TNFRSF9: variants seen among roughly 807,000 people sequenced by gnomAD.
TNFRSF9 encodes TNF receptor superfamily member 9, also known as tumor necrosis factor receptor superfamily member 9.
Under a neutral mutation model 28.8 loss-of-function variants are expected in TNFRSF9, and 16 were observed. The observed-to-expected ratio is 0.55, with a 90% CI of 0.38 to 0.84. The LOEUF is 0.84. Among genes scored for constraint, TNFRSF9 ranks in the 40% least tolerant of loss-of-function variants. The pLI is 0.00. For missense variants in TNFRSF9, 303 were observed against 315.0 expected (o/e 0.96, Z 0.29); for synonymous variants, 131 against 117.0 (o/e 1.12, Z -0.77).
chr1:7,940,720 G>A (rs894798348), intron 1 of TNFRSF9, 64 bp downstream of exon 1: 2 of 152,268 alleles, frequency 1.3e-5, no homozygotes, highest in Non-Finnish European at 2.9e-5. Context: ...AATGGGCAAA[G>A]GGAGCAAAAG....
Position 7,920,916 on chromosome 1 carries a change from CATAAATGCTAAAAA to C in TNFRSF9, c.680-7_686del. The stretch of plus-strand genomic sequence containing the variant: ...CCTCTTGAGTAGTTTGTACTGGTCT[CATAAATGCTAAAAA>C]AAAAATTTTAAGATACGTATATTTT... On this transcript the variant is annotated splice_acceptor_variant and splice_polypyrimidine_tract_variant and coding_sequence_variant and intron_variant, in exon 8 of 8. Coordinates refer to ENST00000377507, the MANE Select transcript of TNFRSF9 (RefSeq NM_001561.6). LOFTEE classifies it high-confidence loss of function. 1 of 1,609,366 alleles carries C rather than the reference CATAAATGCTAAAAA, an allele frequency of 6.2e-7. No individual in the cohort carries two copies. Among genetic ancestry groups the C allele is most frequent in the Non-Finnish European group, 8.5e-7 (1 of 1,178,068 alleles).
intron 5 of TNFRSF9, among the ~76,000 whole-genome samples, chr1:7,937,433 A>G (rs1020793214): frequency 6.6e-6 from 1 of 152,150 alleles, no homozygotes; most frequent in African/African-American, 2.4e-5. Flanking sequence ...TGCTGGGATT[A>G]CAGGCGTGAA....
chr1:7,922,505 C>T (rs570288601), intron 7 of TNFRSF9, among the ~76,000 whole-genome samples: 1 of 152,128 alleles, frequency 6.6e-6, no homozygotes, highest in Admixed American at 6.6e-5. Flanking sequence ...ATAGCGTGGA[C>T]AAAACAAAGC....
At chr1:7,937,873 A>G (rs1054833689) in intron 4 of TNFRSF9, 117 bp from the exon 5 acceptor site, 1 of 899,632 alleles carries the variant, frequency 1.1e-6, no homozygotes, top group Admixed American at 2.4e-5. Flanking sequence ...AAATTGTTCA[A>G]TAATTCTTGA....
In TNFRSF9 at chr1:7,917,979, T is replaced by TATATATAG. The variant is rs370720177; in HGVS notation, c.*2855_*2856insCTATATAT. ...GGATATATATATATATATATATAGA[T>TATATATAG]ATAGATAGATAGATAGATAGATAGG... On this transcript the variant is annotated 3_prime_UTR_variant, in exon 8 of 8. Coordinates refer to ENST00000377507, the MANE Select transcript of TNFRSF9 (RefSeq NM_001561.6). 1.8e-3 allele frequency: 241 copies of TATATATAG among 130,980 alleles called. 1 individual carries two copies. The highest frequency in any genetic ancestry group is 6.9e-3 in the African/African-American group (230 of 33,574). The allele number at this position is 130,980 out of a possible 1,614,324, so 8.1% of individuals were successfully genotyped here.
intron 5 of TNFRSF9, among the ~76,000 whole-genome samples, chr1:7,936,877 G>A (rs1383997607): frequency 3.3e-5 from 5 of 152,170 alleles, no homozygotes; most frequent in African/African-American, 1.2e-4. Flanking sequence ...GGGGACACAG[G>A]ACAAGCCATT....
chr1:7,922,079 A>G (rs1337005827), intron 7 of TNFRSF9: 1 of 152,200 alleles, frequency 6.6e-6, no homozygotes, highest in Non-Finnish European at 1.5e-5. Context: ...TTTACATGTT[A>G]GTGAAGTATT....
chr1:7,938,096 T>C, intron 4 of TNFRSF9, 97 bp downstream of exon 4: 2 of 1,178,244 alleles, frequency 1.7e-6, no homozygotes, highest in South Asian at 2.3e-5. Flanking sequence ...TACTTTAAGG[T>C]TCTACAAATC....
In TNFRSF9 at chr1:7,935,026, A is replaced by T; in HGVS notation, c.531T>A (p.Pro177=). 2 of 1,614,186 alleles carry T rather than the reference A, an allele frequency of 1.2e-6. No individual in the cohort carries two copies. The highest frequency in any genetic ancestry group is 1.7e-6 in the Non-Finnish European group (2 of 1,180,016). The part of the protein sequence containing the change: ...PGASSVTPPA[P]AREPGHSPQI... ...TAGCCCAGTTACCTGGCTCTCTCGC[A>T]GGGGCAGGCGGGGTCACAGAGGATG... is the stretch of plus-strand genomic sequence containing the variant. Residue 177 remains proline, a synonymous_variant, in exon 6 of 8, where the codon CCT becomes CCA. Transcript: ENST00000377507.
chr1:7,930,709 C>T (rs766436665), intron 7 of TNFRSF9, among the ~76,000 whole-genome samples: 6 of 152,142 alleles, frequency 3.9e-5, no homozygotes, highest in Non-Finnish European at 8.8e-5. Context: ...TTCGAGGCTA[C>T]AGTGAGCTGT....
At chr1:7,933,089 A>T (rs532788230) in intron 7 of TNFRSF9, 73 bp downstream of exon 7, 336 of 1,512,836 alleles carry the variant, frequency 2.2e-4, no homozygotes, top group African/African-American at 1.1e-3. Flanking sequence ...AATTTTTTTT[A>T]AAATCATATT....
chr1:7,937,820 G>T (rs1276054041), intron 4 of TNFRSF9, 64 bp from the exon 5 acceptor site: 9 of 1,411,488 alleles, frequency 6.4e-6, no homozygotes, highest in African/African-American at 1.4e-5. Flanking sequence ...AACTTTTCCT[G>T]TGATGAACTT....
rs759184548 is a variant in TNFRSF9, at chr1:7,920,863, T to C, written c.740A>G (p.Glu247Gly). ...CAGTTCACATCCTCCTTCTTCTTCT[T>C]CTGGAAATCGGCAGCTACAGCCATC... is the stretch of plus-strand genomic sequence containing the variant. ...EEDGCSCRFP[E>G]EEEGGCEL Residue 247 changes from glutamate to glycine, a missense_variant, in exon 8 of 8, where the codon GAA becomes GGA. Coordinates refer to ENST00000377507, the MANE Select transcript of TNFRSF9 (RefSeq NM_001561.6). 70 of 1,613,888 alleles carry C rather than the reference T, an allele frequency of 4.3e-5. No individual in the cohort carries two copies. The South Asian group carries it at 6.3e-4, about 14-fold the overall frequency.
At chr1:7,937,374 G>A (rs1639831976) in intron 5 of TNFRSF9, among the ~76,000 whole-genome samples, 1 of 152,108 alleles carries the variant, frequency 6.6e-6, no homozygotes, top group African/African-American at 2.4e-5. Context: ...ACCCAGGCTG[G>A]TTTTGAACTC....
At chr1:7,921,194 G>C (rs1639552259) in intron 7 of TNFRSF9, among the ~76,000 whole-genome samples, 1 of 151,812 alleles carries the variant, frequency 6.6e-6, no homozygotes. Flanking sequence ...AAATTAGCCG[G>C]GCGTGGTGGC....
At position 7,925,060 on chromosome 1, in the gene TNFRSF9, T is replaced by G. The variant is rs925793205; in HGVS notation, c.680-4137A>C. Among the ~76,000 whole-genome samples the G allele has an allele frequency of 5.9e-5, 9 of 152,118 alleles. 1 individual carries two copies. Among genetic ancestry groups the G allele is most frequent in the African/African-American group, 2.2e-4 (9 of 41,428 alleles). ...TGGGTGCGGTGGCTCATGCCTGTAATCCCAGCACTTTGGGAGGCCGAGGTG... is the reference window on the plus strand; with the variant it reads ...TGGGTGCGGTGGCTCATGCCTGTAAGCCCAGCACTTTGGGAGGCCGAGGTG... On this transcript the variant is annotated intron_variant, in intron 7 of 7. Transcript: ENST00000377507.
intron 5 of TNFRSF9, among the ~76,000 whole-genome samples, chr1:7,936,764 A>G (rs9657970): frequency 0.033 from 4,969 of 152,340 alleles, 275 homozygotes; most frequent in African/African-American, 0.11. Context: ...CATATAAAAT[A>G]CAACGCCCAA....
At position 7,935,211 on chromosome 1, in the gene TNFRSF9, T is replaced by C. The variant is rs544063840; in HGVS notation, c.414-68A>G. The C allele has an allele frequency of 1.6e-5, 25 of 1,552,166 alleles. 2 individuals carry two copies. Among genetic ancestry groups the C allele is most frequent in the Non-Finnish European group, 3.5e-6 (4 of 1,143,624 alleles). On this transcript the variant is annotated intron_variant, in intron 5 of 7. Transcript: ENST00000377507. The stretch of plus-strand genomic sequence containing the variant: ...TCCAGAAGATTCTGGTTTAAAACTT[T>C]GTCATTTTTCACCCAATGAAGTAGC...
intron 4 of TNFRSF9, 129 bp downstream of exon 4, chr1:7,938,064 G>A (rs1240753928): frequency 1.5e-6 from 1 of 684,554 alleles, no homozygotes. Flanking sequence ...ATTAAAATAT[G>A]ATATATCATA....
Sources: allele counts gnomAD v4.1 joint callset (sites outside exome capture counted in the v4.1 genomes callset), GRCh38; gene constraint gnomAD v4.1.1; transcripts MANE v1.5; gene names NCBI Gene and HGNC (gene_info 2026-07-23, HGNC 2026-07-21).